PTPRO: variants seen among roughly 807,000 people sequenced by gnomAD.
The protein encoded by PTPRO is protein tyrosine phosphatase receptor type O, also known as receptor-type tyrosine-protein phosphatase O.
In PTPRO, 62 loss-of-function variants were observed where a neutral mutation model predicts 145.2. That is an observed-to-expected ratio of 0.43 (90% CI 0.35 to 0.53). The LOEUF (loss-of-function observed/expected upper bound fraction) is 0.53. PTPRO is among the 20% of genes least tolerant of loss of function. PTPRO has a pLI of 0.01. For synonymous variants in PTPRO, 565 were observed against 514.7 expected, an observed-to-expected ratio of 1.10 and a Z score of -1.32; for missense variants, 1,345 against 1,482.7, an observed-to-expected ratio of 0.91 and a Z score of 1.53.
intron 16 of PTPRO, among the ~76,000 whole-genome samples, chr12:15,557,786 G>A (rs1591732807): frequency 6.6e-6 from 1 of 152,134 alleles, no homozygotes; most frequent in Non-Finnish European, 1.5e-5. Flanking sequence ...ACACGCAGGA[G>A]CCCATACCTG....
chr12:15,413,823 C>CAAATAAAT (rs200886106), intron 1 of PTPRO, among the ~76,000 whole-genome samples: 2 of 151,718 alleles, frequency 1.3e-5, no homozygotes, highest in African/African-American at 4.8e-5. Context: ...TCAATAAAAA[C>CAAATAAAT]AAATAAATAA....
chr12:15,512,810 A>T (rs1265404314), intron 7 of PTPRO, among the ~76,000 whole-genome samples: 5 of 152,120 alleles, frequency 3.3e-5, no homozygotes, highest in African/African-American at 9.7e-5. Context: ...CCTGACCAAC[A>T]TAATGAAACC....
chr12:15,384,551 C>T (rs772870599), intron 1 of PTPRO, among the ~76,000 whole-genome samples: 6 of 152,176 alleles, frequency 3.9e-5, no homozygotes, highest in African/African-American at 1.4e-4. Flanking sequence ...CTCTCTCTTC[C>T]TTTTCTTATA....
rs141713998 is a variant in PTPRO at position 15,445,291 on chromosome 12, T to C, written c.76-38683T>C. ...GTCATATATTTCTTTTATCTAAATA[T>C]TAGGACTCATTGAAATGGATTACTA... is the stretch of plus-strand genomic sequence containing the variant. On this transcript the variant is annotated intron_variant, in intron 1 of 26. Transcript: ENST00000281171. Among the ~76,000 whole-genome samples the C allele has an allele frequency of 4.1e-3, 624 of 152,284 alleles. 5 individuals are homozygous for C. Among genetic ancestry groups the C allele is most frequent in the African/African-American group, 0.014 (590 of 41,572 alleles).
intron 12 of PTPRO, among the ~76,000 whole-genome samples, chr12:15,532,628 A>G (rs1942985545): frequency 6.6e-6 from 1 of 152,204 alleles, no homozygotes; most frequent in Non-Finnish European, 1.5e-5. Context: ...CCTTTCCTGC[A>G]CTGAAGGCAA....
chr12:15,571,262 A>C lies in PTPRO; in HGVS notation c.2829+1764A>C, dbSNP rs191661574. 6.2e-3 allele frequency among the ~76,000 whole-genome samples: 947 copies of C among 152,178 alleles called. 11 individuals are homozygous for C. The highest frequency in any genetic ancestry group is 0.01 in the Middle Eastern group (3 of 294). ...ATGTTTGTGTTCAGTGAAACAACAA[A>C]CAACCTCTTTTTCTGTCACTTTTGT... On this transcript the variant is annotated intron_variant, in intron 19 of 26. Transcript: ENST00000281171.
chr12:15,533,833 G>C (rs867828434), intron 12 of PTPRO, among the ~76,000 whole-genome samples: 2 of 152,120 alleles, frequency 1.3e-5, no homozygotes, highest in Non-Finnish European at 2.9e-5. Flanking sequence ...GCCGTAACTG[G>C]TTGGGCTAAC....
chr12:15,417,241 A>G, intron 1 of PTPRO, among the ~76,000 whole-genome samples: 1 of 151,712 alleles, frequency 6.6e-6, no homozygotes, highest in East Asian at 1.9e-4. Flanking sequence ...AAGTCAAAAA[A>G]TACATTTAAT....
intron 1 of PTPRO, among the ~76,000 whole-genome samples, chr12:15,475,936 T>C (rs949813322): frequency 1.3e-5 from 2 of 152,284 alleles, no homozygotes; most frequent in South Asian, 4.1e-4. Context: ...CTCTATCCAA[T>C]GAGGACATCT....
In PTPRO at chr12:15,322,818, A is replaced by C. The variant is rs1866336335; in HGVS notation, c.75+17A>C. 2 of 1,608,136 alleles carry C rather than the reference A, an allele frequency of 1.2e-6. No individual in the cohort carries two copies. Among genetic ancestry groups the C allele is most frequent in the Non-Finnish European group, 8.5e-7 (1 of 1,177,906 alleles). ...CTGTTCAAGGTAGGGGAGCTCCTCC[A>C]CCCCTTTTTCCCAGCGGTCCGGGCG... On this transcript the variant is annotated intron_variant, in intron 1 of 26. Coordinates refer to ENST00000281171, the MANE Select transcript of PTPRO (RefSeq NM_030667.3). This position sits in a 1 kb window ranked among gnomAD's most constrained non-coding sequence, Gnocchi z 6.3.
At chr12:15,574,979 T>C (rs536009306) in intron 19 of PTPRO, among the ~76,000 whole-genome samples, 12 of 152,174 alleles carry the variant, frequency 7.9e-5, no homozygotes, top group South Asian at 2.1e-4. Context: ...AAAATTCCTA[T>C]GTTTAATCCC....
intron 15 of PTPRO, among the ~76,000 whole-genome samples, chr12:15,557,121 A>G (rs1591731376): frequency 1.3e-5 from 2 of 150,860 alleles, no homozygotes; most frequent in East Asian, 3.9e-4. Flanking sequence ...GCTCACCACA[A>G]CCTCTGTCTC....
rs1491205570 is a variant in PTPRO, at chr12:15,516,618, GAA to G, written c.1586-144_1586-143del. 2.2e-3 allele frequency: 1,484 copies of G among 670,778 alleles called. 12 individuals carry two copies. The highest frequency in any genetic ancestry group is 0.016 in the African/African-American group (856 of 52,282). 41.6% of individuals were successfully genotyped at this position (670,778 alleles called of 1,614,324 possible). ...GGGAGGAAGCAAGAAAGGGAGGAAG[GAA>G]GGAAGGAAGGAAGGAAGGGAGGGAG... On this transcript the variant is annotated intron_variant, in intron 8 of 26. Transcript: ENST00000281171.
intron 1 of PTPRO, among the ~76,000 whole-genome samples, chr12:15,333,034 T>A (rs968701704): frequency 6.6e-6 from 1 of 152,188 alleles, no homozygotes; most frequent in Non-Finnish European, 1.5e-5. Context: ...CTATTGCCAT[T>A]TTTTTCTTTT....
chr12:15,408,425 G>T (rs924611372), intron 1 of PTPRO, among the ~76,000 whole-genome samples: 1 of 151,178 alleles, frequency 6.6e-6, no homozygotes, highest in South Asian at 2.1e-4. Flanking sequence ...TTTTGTTTTC[G>T]TTGTTGTTGT....
In PTPRO at chr12:15,578,769, G is replaced by A. The variant is rs1257023620; in HGVS notation, c.2830-84G>A. On this transcript the variant is annotated intron_variant, in intron 19 of 26. Transcript: ENST00000281171. ...GCTACTGCAATGTCATATAGCAAAG[G>A]GCTTGTGAGCAATAAACCAGTTGAA... 3 of 1,037,688 alleles carry A rather than the reference G, an allele frequency of 2.9e-6. No homozygotes were observed. In the East Asian group the frequency reaches 7.5e-5, roughly 26 times the overall value. 64.3% of individuals were successfully genotyped at this position (1,037,688 alleles called of 1,614,324 possible). A position where few individuals can be genotyped will look rare whatever the true frequency, so the allele number is the denominator to read the frequency against.
At chr12:15,464,079 A>G (rs1264396098) in intron 1 of PTPRO, among the ~76,000 whole-genome samples, 1 of 152,208 alleles carries the variant, frequency 6.6e-6, no homozygotes, top group African/African-American at 2.4e-5. Context: ...TACAGAACTA[A>G]CTAAACATAG....
In PTPRO at chr12:15,516,894, A is replaced by G. The variant is rs761441152; in HGVS notation, c.1717A>G (p.Met573Val). 3 of 1,613,888 alleles carry G rather than the reference A, an allele frequency of 1.9e-6. No individual in the cohort carries two copies. Among genetic ancestry groups the G allele is most frequent in the Non-Finnish European group, 2.5e-6 (3 of 1,179,776 alleles). The change falls in exon 9 of 27, where the codon ATG becomes GTG. Residue 573 changes from methionine (M) to valine (V), a missense_variant. Coordinates refer to ENST00000281171, the MANE Select transcript of PTPRO (RefSeq NM_030667.3). ...VEMFYFNPAT[M>V]TSEWTTYYEI... ...AATGTTTTATTTCAACCCTGCTACA[A>G]TGACATCAGAGTGGACCACCTACTA...
intron 12 of PTPRO, among the ~76,000 whole-genome samples, chr12:15,538,576 A>G (rs1483080579): frequency 6.6e-6 from 1 of 152,174 alleles, no homozygotes; most frequent in Non-Finnish European, 1.5e-5. Flanking sequence ...GGTACTGCAT[A>G]TTCTGCAGGT....
Sources: gnomAD v4.1 joint callset for allele counts (sites outside exome capture counted in the v4.1 genomes callset) on GRCh38, gnomAD v4.1.1 for gene constraint, Gnocchi (gnomAD v3.1) non-coding constraint, MANE v1.5 for transcripts, NCBI Gene and HGNC (gene_info 2026-07-23, HGNC 2026-07-21) for gene names.